RECQL5: variants seen among roughly 807,000 people sequenced by gnomAD.
The protein encoded by RECQL5 is ATP-dependent DNA helicase Q5.
RECQL5 carries 88 observed loss-of-function variants against 103.4 expected under a neutral mutation model. The ratio of observed to expected loss-of-function variants is 0.85; its 90% CI spans 0.72 to 1.02. The LOEUF (loss-of-function observed/expected upper bound fraction) is 1.02. Among genes scored for constraint, RECQL5 ranks in the 50% least tolerant of loss-of-function variants. The pLI is 0.00. For synonymous variants in RECQL5, 552 were observed against 507.9 expected, an observed-to-expected ratio of 1.09 and a Z score of -1.17; for missense variants, 1,232 against 1,284.3, an observed-to-expected ratio of 0.96 and a Z score of 0.62.
chr17:75,645,777 T>C (rs770529912), intron 8 of RECQL5, among the ~76,000 whole-genome samples: 1 of 152,208 alleles, frequency 6.6e-6, no homozygotes, highest in Non-Finnish European at 1.5e-5. Context: ...TGGCCACACC[T>C]GGGGAGAATC....
Position 75,657,317 on chromosome 17 carries a change from C to G in RECQL5, c.1149+981G>C, listed in dbSNP as rs912332469. ...GGAGGATCACTCGAGCCCAGGAGTT[C>G]GAGGGTATACTGTGCTATGATTACG... On this transcript the variant is annotated intron_variant, in intron 7 of 19. Coordinates refer to ENST00000317905, the MANE Select transcript of RECQL5 (RefSeq NM_004259.7). Among the ~76,000 whole-genome samples, 6 of 151,632 alleles carry G rather than the reference C, an allele frequency of 4.0e-5. No homozygotes were observed. The East Asian group carries it at 9.7e-4, about 24-fold the overall frequency.
chr17:75,629,461 C>T lies in RECQL5; in HGVS notation c.1962G>A (p.Arg654=), dbSNP rs2059165288. 6.7e-7 allele frequency: 1 copy of T among 1,502,994 alleles called. No individual in the cohort carries two copies. Among genetic ancestry groups the T allele is most frequent in the Non-Finnish European group, 8.9e-7 (1 of 1,126,566 alleles). The allele number at this position is 1,502,994 out of a possible 1,614,324, so 93.1% of individuals were successfully genotyped here. A position where few individuals can be genotyped will look rare whatever the true frequency, so the allele number is the denominator to read the frequency against. ...AGCCTTTGGGGAAACCAGCTCCCAC[C>T]CGCTTGGGTTTGAGCTGTAAATGTG... ...ASHVYSLKPK[R]VGAGFPKGSC... Residue 654 remains arginine (R), a synonymous_variant, in exon 16 of 20, where the codon CGG becomes CGA. Transcript: ENST00000317905.
intron 8 of RECQL5, chr17:75,650,154 T>C: frequency 1.0e-6 from 1 of 986,746 alleles, no homozygotes; most frequent in Non-Finnish European, 1.2e-6. Context: ...AACTCCCATA[T>C]TAATTGTGCT....
At chr17:75,641,889 C>A (rs1480091944) in intron 8 of RECQL5, among the ~76,000 whole-genome samples, 1 of 152,122 alleles carries the variant, frequency 6.6e-6, no homozygotes, top group Admixed American at 6.5e-5. Context: ...ACTCAACTTC[C>A]CTAAGCCGAA....
chr17:75,666,581 G>C lies in RECQL5; in HGVS notation c.-14-10C>G. The C allele has an allele frequency of 6.2e-7, 1 of 1,612,178 alleles. No homozygotes were observed. Among genetic ancestry groups the C allele is most frequent in the South Asian group, 1.1e-5 (1 of 90,856 alleles). On this transcript the variant is annotated splice_polypyrimidine_tract_variant and intron_variant, in intron 1 of 19. Transcript: ENST00000317905. The stretch of plus-strand genomic sequence containing the variant: ...ATCTTAGCCAAGAACAGTGGCCAAA[G>C]GTTAAGGCAAAGGTAGTAAAAGGTT...
At chr17:75,637,118 A>C (rs2059338240) in intron 8 of RECQL5, 1 of 152,332 alleles carries the variant, frequency 6.6e-6, no homozygotes, top group Admixed American at 6.5e-5. Flanking sequence ...CTTTTCCTGC[A>C]CCAGTAAATT....
intron 7 of RECQL5, among the ~76,000 whole-genome samples, chr17:75,655,521 G>A (rs1030263701): frequency 6.6e-6 from 1 of 151,894 alleles, no homozygotes; most frequent in Non-Finnish European, 1.5e-5. Context: ...CCGCCACGAC[G>A]CCCAGCTAAT....
chr17:75,652,886 A>G (rs1293526364), intron 7 of RECQL5, among the ~76,000 whole-genome samples: 5 of 152,210 alleles, frequency 3.3e-5, no homozygotes, highest in Non-Finnish European at 5.9e-5. Context: ...ACTCCCCCAA[A>G]GCCCCTCTCA....
chr17:75,646,420 C>T (rs2059489848), intron 8 of RECQL5: 1 of 152,440 alleles, frequency 6.6e-6, no homozygotes, highest in Non-Finnish European at 1.5e-5. Flanking sequence ...CCAGTCTCTT[C>T]CCCGTCCACC....
intron 8 of RECQL5, chr17:75,650,172 G>A (rs774817749): frequency 2.4e-4 from 234 of 986,850 alleles, no homozygotes; most frequent in Non-Finnish European, 2.7e-4. Flanking sequence ...GCTTGAAAAG[G>A]GCTCTGGTCG....
At chr17:75,655,346 C>A (rs1181337450) in intron 7 of RECQL5, among the ~76,000 whole-genome samples, 1 of 151,854 alleles carries the variant, frequency 6.6e-6, no homozygotes, top group Non-Finnish European at 1.5e-5. Flanking sequence ...GCTGGGATTA[C>A]AAGCATGAGC....
At chr17:75,664,667 C>A (rs1390499430) in intron 3 of RECQL5, among the ~76,000 whole-genome samples, 1 of 151,922 alleles carries the variant, frequency 6.6e-6, no homozygotes, top group African/African-American at 2.4e-5. Flanking sequence ...AATCCCAGCA[C>A]TTTGGGAGGC....
chr17:75,660,572 A>G (rs1328366498), intron 6 of RECQL5, among the ~76,000 whole-genome samples: 2 of 152,222 alleles, frequency 1.3e-5, no homozygotes, highest in Non-Finnish European at 2.9e-5. Flanking sequence ...CTCCATTACA[A>G]TCTTACAGGA....
Position 75,666,462 on chromosome 17 carries a change from A to C in RECQL5, c.96T>G (p.Pro32=). Residue 32 remains proline, a synonymous_variant, in exon 2 of 20, where the codon CCT becomes CCG. Transcript: ENST00000317905. Reference sequence around the variant, plus strand: ...CAGCCATGGTCGCACTCTCCTGTAAAGGCGTCTTAAAAGAGTCAAACCCAA... The same window carrying C: ...CAGCCATGGTCGCACTCTCCTGTAACGGCGTCTTAAAAGAGTCAAACCCAA... ...KVFGFDSFKT[P]LQESATMAVV... The C allele has an allele frequency of 6.2e-7, 1 of 1,614,126 alleles. No individual in the cohort carries two copies. Among genetic ancestry groups the C allele is most frequent in the Non-Finnish European group, 8.5e-7 (1 of 1,180,024 alleles).
intron 3 of RECQL5, among the ~76,000 whole-genome samples, chr17:75,664,770 G>A (rs970986347): frequency 8.6e-5 from 13 of 151,666 alleles, no homozygotes; most frequent in African/African-American, 2.2e-4. Context: ...AAAATTAGCC[G>A]GGTATGGTGG....
Position 75,628,407 on chromosome 17 carries a change from G to A in RECQL5, c.2616C>T (p.Arg872=). 1 of 1,613,848 alleles carries A rather than the reference G, an allele frequency of 6.2e-7. No homozygotes were observed. The highest frequency in any genetic ancestry group is 1.3e-5 in the African/African-American group (1 of 75,044). Residue 872 remains arginine, a synonymous_variant, in exon 18 of 20, where the codon CGC becomes CGT. Transcript: ENST00000317905. ...NPESQPQKRP[R]PSAKPSVVAE... is the part of the protein sequence containing the mutation. ...CTACGACGGAGGGCTTGGCTGAGGG[G>A]CGTGGCCTCTTCTGAGGCTGGCTCT...
Position 75,629,162 on chromosome 17 carries a change from G to A in RECQL5, c.2261C>T (p.Ala754Val). The A allele has an allele frequency of 6.2e-7, 1 of 1,613,802 alleles. No individual in the cohort carries two copies. The highest frequency in any genetic ancestry group is 8.5e-7 in the Non-Finnish European group (1 of 1,180,004). The change falls in exon 16 of 20, where the codon GCC (alanine) becomes GTC (valine). Residue 754 changes from alanine to valine, a missense_variant. Physicochemically the swap from Ala to Val is moderately conservative, Grantham distance 64. Transcript: ENST00000317905. The stretch of plus-strand genomic sequence containing the variant: ...CTGAGAATCCTTGTGGGCCGCTGTG[G>A]CTAGGAGCTGCTGTTTCTTGCTAGC... ...GRASKKQQLL[A>V]TAAHKDSQSI... is the part of the protein sequence containing the mutation.
In RECQL5 at chr17:75,640,768, C is replaced by T. The variant is rs561273921; in HGVS notation, c.1230-9100G>A. ...CCTTTCTCTCCCCCAACCTGAGTCC[C>T]GTGCTCTCTCCCGGCCCTCCAGCTA... is the stretch of plus-strand genomic sequence containing the variant. On this transcript the variant is annotated intron_variant, in intron 8 of 19. Coordinates refer to ENST00000317905, the MANE Select transcript of RECQL5 (RefSeq NM_004259.7). The surrounding 1 kb of genome is among the most constrained non-coding windows in gnomAD (Gnocchi z 4.6). 14 of 1,547,302 alleles carry T rather than the reference C, an allele frequency of 9.0e-6. No individual in the cohort carries two copies. The highest frequency in any genetic ancestry group is 7.1e-5 in the South Asian group (6 of 83,980).
chr17:75,639,094 C>T (rs1418430516), intron 8 of RECQL5: 3 of 152,300 alleles, frequency 2.0e-5, no homozygotes, highest in Admixed American at 1.3e-4. Flanking sequence ...TGGAGGGCCC[C>T]GTTCGATGAC....
Sources: allele counts gnomAD v4.1 joint callset (sites outside exome capture counted in the v4.1 genomes callset), GRCh38; gene constraint gnomAD v4.1.1; non-coding constraint Gnocchi (gnomAD v3.1); transcripts MANE v1.5; gene names NCBI Gene and HGNC (gene_info 2026-07-23, HGNC 2026-07-21).